SSR2: variants seen among roughly 807,000 people sequenced by gnomAD.
SSR2 encodes the protein signal sequence receptor subunit 2.
Under a neutral mutation model 22.6 loss-of-function variants are expected in SSR2, and 16 were observed. The observed-to-expected ratio is 0.71, with a 90% CI of 0.48 to 1.08. The LOEUF (loss-of-function observed/expected upper bound fraction) is 1.08, where lower values mean the gene tolerates loss of function less well. Ranked by LOEUF, SSR2 falls within the 50% of genes least tolerant of loss-of-function variation. The pLI is 0.00. For synonymous variants in SSR2, 83 were observed against 91.2 expected, an observed-to-expected ratio of 0.91 and a Z score of 0.51; for missense variants, 171 against 221.6, an observed-to-expected ratio of 0.77 and a Z score of 1.45.
At chr1:156,018,187 G>T in intron 3 of SSR2, 83 bp downstream of exon 3, 1 of 985,512 alleles carries the variant, frequency 1.0e-6, no homozygotes, top group Non-Finnish European at 1.6e-6. Flanking sequence ...CACATATCCA[G>T]CCTATTTGAA....
rs892419804 is a variant in SSR2, at chr1:156,018,194, T to G, written c.254+76A>C. ...GACAGCCACACATATCCAGCCTATT[T>G]GAAGTACCCCTGCTGCTTTGCAGGC... On this transcript the variant is annotated intron_variant, in intron 3 of 5. Transcript: ENST00000295702. The G allele has an allele frequency of 3.5e-5, 39 of 1,108,056 alleles. No homozygotes were observed. The African/African-American group carries it at 5.7e-4, about 16-fold the overall frequency. 68.6% of individuals were successfully genotyped at this position (1,108,056 alleles called of 1,614,324 possible). A position where few individuals can be genotyped will look rare whatever the true frequency, so the allele number is the denominator to read the frequency against.
At chr1:156,020,523 T>C (rs1572259906) in intron 1 of SSR2, 1 of 306,818 alleles carries the variant, frequency 3.3e-6, no homozygotes, top group East Asian at 8.4e-5. Context: ...AGCCTGTAGC[T>C]TTCCCTCACA....
chr1:156,020,242 C>A lies in SSR2; in HGVS notation c.1-75G>T, dbSNP rs773247311. The A allele has an allele frequency of 2.1e-5, 32 of 1,529,954 alleles. 1 individual carries two copies. The highest frequency in any genetic ancestry group is 2.0e-4 in the South Asian group (17 of 84,918). 94.8% of individuals were successfully genotyped at this position (1,529,954 alleles called of 1,614,324 possible). A position where few individuals can be genotyped will look rare whatever the true frequency, so the allele number is the denominator to read the frequency against. On this transcript the variant is annotated intron_variant, in intron 1 of 5. Coordinates refer to ENST00000295702, the MANE Select transcript of SSR2 (RefSeq NM_003145.4). ...ACCAAAATCCTCTTGACAGCGCTCC[C>A]GTAGAAAGCTCCTTCGATGCTACCA... is the stretch of plus-strand genomic sequence containing the variant.
At chr1:156,020,594 C>A in intron 1 of SSR2, 1 of 318,132 alleles carries the variant, frequency 3.1e-6, no homozygotes, top group East Asian at 8.3e-5. Flanking sequence ...CTATTGGGAT[C>A]CCACCGCGGA....
Position 156,015,082 on chromosome 1 carries a change from T to A in SSR2, c.255-13A>T, listed in dbSNP as rs1683031616. ...GACATTGCTAGCACTGGCTCAAGAG[T>A]TAAGGAACGGAAAGAGATGAAGCTA... On this transcript the variant is annotated splice_polypyrimidine_tract_variant and intron_variant, in intron 3 of 5. Transcript: ENST00000295702. 1 of 1,604,574 alleles carries A rather than the reference T, an allele frequency of 6.2e-7. No individual in the cohort carries two copies. The highest frequency in any genetic ancestry group is 1.3e-5 in the African/African-American group (1 of 74,610).
intron 4 of SSR2, chr1:156,012,426 A>G (rs1682990478): frequency 2.4e-6 from 1 of 423,128 alleles, no homozygotes. Flanking sequence ...TCTGGTCCAC[A>G]TTCCTTTGTC....
chr1:156,017,389 G>A (rs769262953), intron 3 of SSR2, among the ~76,000 whole-genome samples: 1 of 152,046 alleles, frequency 6.6e-6, no homozygotes, highest in Non-Finnish European at 1.5e-5. Context: ...TCTTGCTGTC[G>A]CCCAGGCTAG....
In SSR2 at chr1:156,011,895, G is replaced by A; in HGVS notation, c.364-8C>T. Reference sequence around the variant, plus strand: ...TGCACTGGTAGAGCCAATCTGAAAAGAAGAAAAGAACGACATTAAGGGAAG... The same window carrying A: ...TGCACTGGTAGAGCCAATCTGAAAAAAAGAAAAGAACGACATTAAGGGAAG... On this transcript the variant is annotated splice_polypyrimidine_tract_variant and splice_region_variant and intron_variant, in intron 4 of 5. Transcript: ENST00000295702. 1 of 1,610,342 alleles carries A rather than the reference G, an allele frequency of 6.2e-7. No individual in the cohort carries two copies.
chr1:156,020,257 C>A, intron 1 of SSR2, 90 bp from the exon 2 acceptor site: 1 of 1,410,912 alleles, frequency 7.1e-7, no homozygotes, highest in Non-Finnish European at 9.7e-7. Flanking sequence ...AAAGCTCCTT[C>A]GATGCTACCA....
intron 2 of SSR2, among the ~76,000 whole-genome samples, chr1:156,018,795 T>C (rs1360572252): frequency 6.9e-6 from 1 of 144,838 alleles, no homozygotes; most frequent in Non-Finnish European, 1.5e-5. Flanking sequence ...CTGGCTGATC[T>C]CTTGAGGTCA....
Position 156,009,425 on chromosome 1 carries a change from A to C in SSR2, c.*115T>G. ...GGCAGGATCCAGGAGAAAGTGGCCAAGGGCTAAGAGAGAAGAGATTGCATT... is the reference window on the plus strand; with the variant it reads ...GGCAGGATCCAGGAGAAAGTGGCCACGGGCTAAGAGAGAAGAGATTGCATT... On this transcript the variant is annotated 3_prime_UTR_variant, in exon 6 of 6. Transcript: ENST00000295702. 1.2e-6 allele frequency: 1 copy of C among 834,936 alleles called. No individual in the cohort carries two copies. Among genetic ancestry groups the C allele is most frequent in the Non-Finnish European group, 2.0e-6 (1 of 504,638 alleles). The allele number at this position is 834,936 out of a possible 1,614,324, so 51.7% of individuals were successfully genotyped here. A position where few individuals can be genotyped will look rare whatever the true frequency, so the allele number is the denominator to read the frequency against.
intron 2 of SSR2, among the ~76,000 whole-genome samples, chr1:156,019,692 G>A (rs1158641798): frequency 6.6e-6 from 1 of 152,132 alleles, no homozygotes; most frequent in Non-Finnish European, 1.5e-5. Context: ...GCTGGAAGAT[G>A]ACACTTTAAA....
At chr1:156,013,724 G>C (rs1292525485) in intron 4 of SSR2, 1 of 153,604 alleles carries the variant, frequency 6.5e-6, no homozygotes, top group Non-Finnish European at 1.5e-5. Flanking sequence ...CTACTGGAGG[G>C]GGGTGCAGTG....
At chr1:156,012,157 C>A in intron 4 of SSR2, 1 of 348,292 alleles carries the variant, frequency 2.9e-6, no homozygotes, top group Non-Finnish European at 5.4e-6. Context: ...CAAGGTAGGC[C>A]AGGCATGCAA....
intron 5 of SSR2, among the ~76,000 whole-genome samples, chr1:156,009,918 C>T (rs1182486463): frequency 2.0e-5 from 3 of 152,162 alleles, no homozygotes; most frequent in East Asian, 1.9e-4. Flanking sequence ...GGATTACAGG[C>T]GCATGCCACC....
At chr1:156,010,564 C>G (rs947075670) in intron 5 of SSR2, 4 of 152,170 alleles carry the variant, frequency 2.6e-5, no homozygotes, top group African/African-American at 9.7e-5. Flanking sequence ...TCCTCTCTGA[C>G]CAATCCTGAT....
At chr1:156,017,522 G>A (rs1403586034) in intron 3 of SSR2, among the ~76,000 whole-genome samples, 2 of 151,532 alleles carry the variant, frequency 1.3e-5, no homozygotes, top group Admixed American at 6.6e-5. Context: ...GCTAATTTTT[G>A]TATTTTTAGT....
At chr1:156,011,968 C>A in intron 4 of SSR2, 81 bp from the exon 5 acceptor site, 1 of 995,070 alleles carries the variant, frequency 1.0e-6, no homozygotes, top group Admixed American at 1.8e-5. Context: ...AGGGCAGTCC[C>A]AACCAACCCA....
intron 3 of SSR2, among the ~76,000 whole-genome samples, chr1:156,015,431 C>A (rs905179289): frequency 1.5e-5 from 2 of 132,708 alleles, no homozygotes; most frequent in African/African-American, 2.8e-5. Flanking sequence ...TGCTTGAACC[C>A]GGGAGGCGGA....
Sources: allele counts gnomAD v4.1 joint callset (sites outside exome capture counted in the v4.1 genomes callset), GRCh38; gene constraint gnomAD v4.1.1; transcripts MANE v1.5; gene names NCBI Gene and HGNC (gene_info 2026-07-23, HGNC 2026-07-21).